Variants in STK40 observed in about 807,000 individuals in gnomAD.
STK40 encodes the protein serine/threonine kinase 40.
A neutral mutation model predicts 47.9 loss-of-function variants in STK40; 13 were observed. That is an observed-to-expected ratio of 0.27 (90% CI 0.18 to 0.43). The LOEUF (loss-of-function observed/expected upper bound fraction) is 0.43, where lower values mean the gene tolerates loss of function less well. Among genes scored for constraint, STK40 ranks in the 20% least tolerant of loss-of-function variants. STK40 has a pLI of 1.00. For missense variants in STK40, 460 were observed against 595.1 expected (o/e 0.77, Z 2.36); for synonymous variants, 225 against 243.2 (o/e 0.93, Z 0.69).
intron 1 of STK40, chr1:36,362,739 T>A (rs890616623): frequency 6.6e-6 from 1 of 152,250 alleles, no homozygotes. Flanking sequence ...ATAACTGCTG[T>A]TAACATTCAA....
intron 5 of STK40, among the ~76,000 whole-genome samples, chr1:36,354,848 C>A (rs528951043): frequency 6.6e-6 from 1 of 152,150 alleles, no homozygotes; most frequent in South Asian, 2.1e-4. Flanking sequence ...TTTGTCCCAG[C>A]GTGCCTGACA....
intron 1 of STK40, among the ~76,000 whole-genome samples, chr1:36,375,012 G>T (rs1197003465): frequency 6.6e-6 from 1 of 152,172 alleles, no homozygotes; most frequent in African/African-American, 2.4e-5. Context: ...AATCAGGCAA[G>T]GAGAAAGCAG....
intron 7 of STK40, among the ~76,000 whole-genome samples, chr1:36,347,323 C>A (rs1305878487): frequency 1.3e-5 from 2 of 152,124 alleles, no homozygotes; most frequent in Non-Finnish European, 2.9e-5. Context: ...TGGTGTAAGC[C>A]CCGGTTCCCT....
At chr1:36,361,416 T>C in intron 1 of STK40, 76 bp from the exon 2 acceptor site, 3 of 1,593,062 alleles carry the variant, frequency 1.9e-6, no homozygotes. Flanking sequence ...CTGCAGGCCT[T>C]TGACTTGGGA....
chr1:36,344,035 G>A (rs756277690), intron 8 of STK40, 56 bp from the exon 9 acceptor site: 5 of 1,589,452 alleles, frequency 3.1e-6, no homozygotes, highest in Non-Finnish European at 3.4e-6. Context: ...TCTGTGGCCA[G>A]GATGCCCAGG....
At chr1:36,368,150 T>G (rs553787456) in intron 1 of STK40, 9 of 152,320 alleles carry the variant, frequency 5.9e-5, no homozygotes, top group African/African-American at 2.2e-4. Flanking sequence ...AATATACCTA[T>G]ATTTTTTAAA....
chr1:36,358,227 A>G lies in STK40; in HGVS notation c.342+12T>C. ...GAGGTGAGCGCGAAGGGTGAGGGGG[A>G]AGGCCGCTCACCTGGAAGAGGCCGT... On this transcript the variant is annotated intron_variant, in intron 4 of 10. Transcript: ENST00000373132. 8 of 1,571,370 alleles carry G rather than the reference A, an allele frequency of 5.1e-6. No homozygotes were observed. The highest frequency in any genetic ancestry group is 6.1e-6 in the Non-Finnish European group (7 of 1,149,146).
intron 6 of STK40, among the ~76,000 whole-genome samples, chr1:36,352,650 A>G (rs1009718595): frequency 6.6e-6 from 1 of 152,156 alleles, no homozygotes; most frequent in African/African-American, 2.4e-5. Context: ...TGCAGAGCAT[A>G]GCAGGGCAAG....
chr1:36,344,103 C>T lies in STK40; in HGVS notation c.884+17G>A, dbSNP rs191111847. The T allele has an allele frequency of 1.9e-3, 2,940 of 1,583,822 alleles. 34 individuals carry two copies. The African/African-American group carries it at 0.032, about 17-fold the overall frequency. Reference sequence around the variant, plus strand: ...CAGGCTGGCTGCCCCCCCCACCCCCCGGGAGGCAGGACTCACTCAGGAATG... The same window carrying T: ...CAGGCTGGCTGCCCCCCCCACCCCCTGGGAGGCAGGACTCACTCAGGAATG... On this transcript the variant is annotated intron_variant, in intron 8 of 10. Coordinates refer to ENST00000373132, the MANE Select transcript of STK40 (RefSeq NM_001282547.2).
At chr1:36,357,150 A>G (rs1646812519) in intron 4 of STK40, among the ~76,000 whole-genome samples, 1 of 152,236 alleles carries the variant, frequency 6.6e-6, no homozygotes, top group African/African-American at 2.4e-5. Flanking sequence ...AATCTCATTC[A>G]TCGTCCCAAC....
Position 36,347,097 on chromosome 1 carries a change from G to C in STK40, c.739+1603C>G, listed in dbSNP as rs536276371. On this transcript the variant is annotated intron_variant, in intron 7 of 10. Transcript: ENST00000373132. ...CTGTCTTTGCACACGGGCAGCCCTG[G>C]GGACAGGCCTGGCTCTCCAGCAGAA... 3.4e-3 allele frequency among the ~76,000 whole-genome samples: 520 copies of C among 152,282 alleles called. 1 individual carries two copies. Among genetic ancestry groups the C allele is most frequent in the Non-Finnish European group, 6.3e-3 (429 of 68,022 alleles).
chr1:36,384,523 T>TA (rs1647068815), intron 1 of STK40, among the ~76,000 whole-genome samples: 1 of 152,246 alleles, frequency 6.6e-6, no homozygotes, highest in Non-Finnish European at 1.5e-5. Context: ...CCTTGTTTTA[T>TA]AGACGAAGAC....
At chr1:36,344,320 C>T in intron 7 of STK40, 56 bp from the exon 8 acceptor site, 2 of 1,517,188 alleles carry the variant, frequency 1.3e-6, no homozygotes, top group Non-Finnish European at 1.8e-6. Flanking sequence ...CGTGGCTCAC[C>T]AGCCTGGAAT....
chr1:36,348,862 A>G (rs1570438200), intron 6 of STK40, 47 bp from the exon 7 acceptor site: 6 of 1,505,458 alleles, frequency 4.0e-6, no homozygotes, highest in South Asian at 3.6e-5. Flanking sequence ...CTATAGCAAC[A>G]GGCACAAGAC....
chr1:36,344,337 T>G (rs1433455081), intron 7 of STK40, 73 bp from the exon 8 acceptor site: 15 of 1,499,658 alleles, frequency 1.0e-5, no homozygotes, highest in African/African-American at 1.4e-5. Flanking sequence ...GAATCCCACC[T>G]GGGACCCTCC....
At chr1:36,349,469 G>A (rs906800328) in intron 6 of STK40, among the ~76,000 whole-genome samples, 1 of 152,208 alleles carries the variant, frequency 6.6e-6, no homozygotes, top group African/African-American at 2.4e-5. Flanking sequence ...CAGAAGAGCA[G>A]GATCCAAGAC....
intron 6 of STK40, among the ~76,000 whole-genome samples, chr1:36,353,458 G>GTGCTTGGTGTCCCTCTGC (rs1553136308): frequency 6.6e-6 from 1 of 152,332 alleles, no homozygotes; most frequent in East Asian, 1.9e-4. Context: ...AACCAGGGCC[G>GTGCTTGGTGTCCCTCTGC]TGCTTGGTGT....
At chr1:36,379,539 T>G (rs563673636) in intron 1 of STK40, among the ~76,000 whole-genome samples, 3 of 152,090 alleles carry the variant, frequency 2.0e-5, no homozygotes, top group Middle Eastern at 3.4e-3. Context: ...CACCACCACG[T>G]CCGGCTAATT....
chr1:36,356,135 A>T (rs561243766), intron 4 of STK40, among the ~76,000 whole-genome samples: 1 of 152,192 alleles, frequency 6.6e-6, no homozygotes, highest in African/African-American at 2.4e-5. Flanking sequence ...TCTTTCCCCC[A>T]CAGCCCAAGA....
Sources: allele counts gnomAD v4.1 joint callset (sites outside exome capture counted in the v4.1 genomes callset), GRCh38; gene constraint gnomAD v4.1.1; transcripts MANE v1.5; gene names NCBI Gene and HGNC (gene_info 2026-07-23, HGNC 2026-07-21).